The following ADAM18 variants were observed in gnomAD, a reference collection of about 807,000 sequenced individuals.
ADAM18 encodes ADAM metallopeptidase domain 18.
A neutral mutation model predicts 94.4 loss-of-function variants in ADAM18; 117 were observed. The observed-to-expected ratio is 1.24, with a 90% confidence interval of 1.07 to 1.45. The LOEUF (loss-of-function observed/expected upper bound fraction) is 1.45. Among genes scored for constraint, ADAM18 ranks in the 40% most tolerant of loss-of-function variants. ADAM18 has a pLI of 0.00. For missense variants in ADAM18, 936 were observed against 880.0 expected (o/e 1.06, Z -0.81); for synonymous variants, 327 against 291.6 (o/e 1.12, Z -1.24).
chr8:39,617,784 C>T (rs562146282), intron 6 of ADAM18, among the ~76,000 whole-genome samples: 1 of 151,272 alleles, frequency 6.6e-6, no homozygotes, highest in African/African-American at 2.4e-5. Flanking sequence ...GGGAGGTAAA[C>T]ATCGAGTACA....
At chr8:39,660,902 A>G (rs1183013975) in intron 12 of ADAM18, among the ~76,000 whole-genome samples, 1 of 152,188 alleles carries the variant, frequency 6.6e-6, no homozygotes, top group Non-Finnish European at 1.5e-5. Context: ...CATCTTTAGA[A>G]AGACCTGCTT....
intron 2 of ADAM18, among the ~76,000 whole-genome samples, chr8:39,589,631 T>G (rs1818512284): frequency 6.6e-6 from 1 of 151,726 alleles, no homozygotes; most frequent in Non-Finnish European, 1.5e-5. Context: ...TATATAAATA[T>G]ATACACCAAC....
rs35507114 is a variant in ADAM18, at chr8:39,607,742, A to ATT, written c.189-1288_189-1287dup. Reference sequence around the variant, plus strand: ...CTCTCTCTCTGTCTCTCCTTTCTCTATTTTTTTTTTTTTAATTCTTTCTCA... The same window carrying ATT: ...CTCTCTCTCTGTCTCTCCTTTCTCTATTTTTTTTTTTTTTTAATTCTTTCTCA... On this transcript the variant is annotated intron_variant, in intron 3 of 19. Coordinates refer to ENST00000265707, the MANE Select transcript of ADAM18 (RefSeq NM_014237.3). 1.3e-3 allele frequency among the ~76,000 whole-genome samples: 173 copies of ATT among 130,448 alleles called. 1 individual carries two copies. The highest frequency in any genetic ancestry group is 4.1e-3 in the Middle Eastern group (1 of 244). 85.6% of individuals were successfully genotyped at this position (130,448 alleles called of 152,430 possible).
Position 39,645,451 on chromosome 8 carries a change from A to G in ADAM18, c.1023A>G (p.Thr341=). Residue 341 remains threonine, a synonymous_variant, in exon 11 of 20, where the codon ACA becomes ACG. Transcript: ENST00000265707. ...DITQCFCLRA[T]CIMNHEAVSA... ...CTCAGTGTTTCTGTCTGAGAGCTAC[A>G]TGCATCATGAATCATGAAGCAGTGT... The G allele has an allele frequency of 6.2e-7, 1 of 1,611,604 alleles. No homozygotes were observed.
At chr8:39,609,006 T>C in intron 3 of ADAM18, 36 bp from the exon 4 acceptor site, 1 of 1,190,534 alleles carries the variant, frequency 8.4e-7, no homozygotes, top group Non-Finnish European at 1.2e-6. Flanking sequence ...ATTAAGATTA[T>C]GATTCATACT....
At chr8:39,600,942 A>T (rs971810027) in intron 2 of ADAM18, among the ~76,000 whole-genome samples, 5 of 152,162 alleles carry the variant, frequency 3.3e-5, no homozygotes, top group Admixed American at 2.6e-4. Flanking sequence ...GATAATTTTT[A>T]AAGAAAAGAG....
intron 16 of ADAM18, among the ~76,000 whole-genome samples, chr8:39,689,391 C>A (rs928873685): frequency 2.0e-5 from 3 of 152,274 alleles, no homozygotes; most frequent in South Asian, 2.1e-4. Flanking sequence ...GGAAGCAGTC[C>A]AGTTTCAATA....
intron 6 of ADAM18, among the ~76,000 whole-genome samples, chr8:39,613,375 T>C (rs1293347926): frequency 6.6e-6 from 1 of 152,262 alleles, no homozygotes; most frequent in African/African-American, 2.4e-5. Context: ...CTAAACCAAG[T>C]ATGAGCCCTC....
At chr8:39,724,824 G>T (rs1822855878) in intron 19 of ADAM18, among the ~76,000 whole-genome samples, 1 of 151,898 alleles carries the variant, frequency 6.6e-6, no homozygotes, top group African/African-American at 2.4e-5. Flanking sequence ...ACATTAGTTA[G>T]AAGTATATTG....
rs115040371 is a variant in ADAM18 at position 39,656,066 on chromosome 8, G to C, written c.1230+7539G>C. Among the ~76,000 whole-genome samples, 911 of 151,900 alleles carry C rather than the reference G, an allele frequency of 6.0e-3. 4 individuals are homozygous for C. Among genetic ancestry groups the C allele is most frequent in the African/African-American group, 0.021 (866 of 41,452 alleles). On this transcript the variant is annotated intron_variant, in intron 12 of 19. Coordinates refer to ENST00000265707, the MANE Select transcript of ADAM18 (RefSeq NM_014237.3). ...ATTTTTTGTCCAAATTCATCATCCCGAAGTGCAATTCCAATTCATATGCTA... is the reference window on the plus strand; with the variant it reads ...ATTTTTTGTCCAAATTCATCATCCCCAAGTGCAATTCCAATTCATATGCTA...
intron 3 of ADAM18, among the ~76,000 whole-genome samples, chr8:39,607,716 ACT>A (rs1444590575): frequency 1.5e-5 from 2 of 130,410 alleles, no homozygotes; most frequent in African/African-American, 2.9e-5. Context: ...GTGCTCTCTC[ACT>A]CTCTCTCTGT....
chr8:39,620,341 G>A (rs56705800), intron 6 of ADAM18, among the ~76,000 whole-genome samples: 4,465 of 89,378 alleles, frequency 0.05, 207 homozygotes, highest in African/African-American at 0.15. Flanking sequence ...GACCTCAAAA[G>A]CACATGCAAC....
chr8:39,606,214 A>T, intron 2 of ADAM18, 93 bp from the exon 3 acceptor site: 1 of 670,640 alleles, frequency 1.5e-6, no homozygotes, highest in Non-Finnish European at 2.5e-6. Context: ...CATTTTTAAT[A>T]GATAGACTCT....
chr8:39,696,910 T>A (rs757063929), intron 17 of ADAM18, among the ~76,000 whole-genome samples: 1 of 151,640 alleles, frequency 6.6e-6, no homozygotes, highest in Non-Finnish European at 1.5e-5. Context: ...AAAAGCATCA[T>A]TGGAATTTTG....
chr8:39,722,472 A>G (rs1258555676), intron 18 of ADAM18, among the ~76,000 whole-genome samples: 4 of 151,070 alleles, frequency 2.6e-5, no homozygotes, highest in Admixed American at 1.3e-4. Flanking sequence ...GAGCTAAACA[A>G]TGGGTACACA....
At chr8:39,606,400 A>G (rs759962236) in intron 3 of ADAM18, 38 bp downstream of exon 3, 3 of 1,363,780 alleles carry the variant, frequency 2.2e-6, no homozygotes, top group Non-Finnish European at 3.0e-6. Context: ...GAAAAGGGAA[A>G]GCTTTAAGTT....
At position 39,663,849 on chromosome 8, in the gene ADAM18, G is replaced by C. The variant is rs201475153; in HGVS notation, c.1285G>C (p.Val429Leu). 3.3e-5 allele frequency: 53 copies of C among 1,612,274 alleles called. No individual in the cohort carries two copies. Among genetic ancestry groups the C allele is most frequent in the Non-Finnish European group, 3.9e-5 (46 of 1,179,636 alleles). ...TAACACATGTAAACTGAAGGGCTCA[G>C]TAAAATGTGGTTCTGGACCATGTTG... ...DYNTCKLKGSVKCGSGPCCTS... is the reference protein window; with the variant it reads ...DYNTCKLKGSLKCGSGPCCTS... Residue 429 changes from valine to leucine, a missense_variant, in exon 13 of 20, where the codon GTA (valine) becomes CTA (leucine). By Grantham distance (32) the Val-to-Leu change is conservative (BLOSUM62 1). Transcript: ENST00000265707.
At chr8:39,656,541 G>A (rs1049653202) in intron 12 of ADAM18, among the ~76,000 whole-genome samples, 2 of 151,932 alleles carry the variant, frequency 1.3e-5, no homozygotes, top group South Asian at 2.1e-4. Context: ...AAACATAAGC[G>A]AATATGTAGT....
At position 39,637,695 on chromosome 8, in the gene ADAM18, C is replaced by T. The variant is rs1820123443; in HGVS notation, c.819C>T (p.Tyr273=). The T allele has an allele frequency of 6.3e-7, 1 of 1,599,728 alleles. No individual in the cohort carries two copies. Among genetic ancestry groups the T allele is most frequent in the Non-Finnish European group, 8.5e-7 (1 of 1,173,860 alleles). ...YLILRPHDIA[Y]LLVYRKHPKY... ...TCCTACGGCCCCATGACATAGCATACTTACTTGTGTAAGCACAATGTTCTA... is the reference window on the plus strand; with the variant it reads ...TCCTACGGCCCCATGACATAGCATATTTACTTGTGTAAGCACAATGTTCTA... Residue 273 remains tyrosine (Y), a synonymous_variant, in exon 9 of 20, where the codon TAC becomes TAT. Transcript: ENST00000265707.
Sources: gnomAD v4.1 joint callset for allele counts (sites outside exome capture counted in the v4.1 genomes callset) on GRCh38, gnomAD v4.1.1 for gene constraint, MANE v1.5 for transcripts, NCBI Gene and HGNC (gene_info 2026-07-23, HGNC 2026-07-21) for gene names.